The following PRKN variants were observed in gnomAD, a reference collection of about 807,000 sequenced individuals.
PRKN encodes parkin RBR E3 ubiquitin protein ligase.
PRKN carries 56 observed loss-of-function variants against 59.5 expected under a neutral mutation model. That is an observed-to-expected ratio of 0.94 (90% CI 0.76 to 1.18). The LOEUF is 1.18. Among genes scored for constraint, PRKN ranks in the 50% most tolerant of loss-of-function variants. The pLI, the probability that PRKN is intolerant of heterozygous loss-of-function variation, is 0.00. For synonymous variants in PRKN, 250 were observed against 222.1 expected (o/e 1.13, Z -1.12); for missense variants, 657 against 596.4 (o/e 1.10, Z -1.06).
At chr6:161,964,905 GA>G (rs1478456691) in intron 6 of PRKN, among the ~76,000 whole-genome samples, 13 of 152,006 alleles carry the variant, frequency 8.6e-5, no homozygotes, top group Non-Finnish European at 1.8e-4. Context: ...GACTGACAAA[GA>G]ACTTACACAG....
At position 161,593,522 on chromosome 6, in the gene PRKN, CG is replaced by C. The variant is rs1781799970; in HGVS notation, c.872-24107del. On this transcript the variant is annotated intron_variant, in intron 7 of 11. Coordinates refer to ENST00000366898, the MANE Select transcript of PRKN (RefSeq NM_004562.3). This position sits in a 1 kb window ranked among gnomAD's most constrained non-coding sequence, Gnocchi z 4.8. ...CTGTGGCCTGTGGTCAGCAGTGCAG[CG>C]GTCAGGTGGGAGGTGATGGCACCTG... is the stretch of plus-strand genomic sequence containing the variant. Among the ~76,000 whole-genome samples the C allele has an allele frequency of 6.6e-6, 1 of 152,090 alleles. No homozygotes were observed. Among genetic ancestry groups the C allele is most frequent in the African/African-American group, 2.4e-5 (1 of 41,410 alleles).
intron 4 of PRKN, among the ~76,000 whole-genome samples, chr6:162,089,615 A>G (rs531814340): frequency 1.3e-5 from 2 of 152,356 alleles, no homozygotes; most frequent in South Asian, 4.1e-4. Context: ...TTTTTCTAAT[A>G]GCAAGGAAGT....
At chr6:162,080,227 T>C (rs1020354498) in intron 4 of PRKN, among the ~76,000 whole-genome samples, 2 of 152,178 alleles carry the variant, frequency 1.3e-5, no homozygotes, top group Non-Finnish European at 2.9e-5. Flanking sequence ...TCATTATTTA[T>C]ATATGAAATT....
At chr6:161,786,181 ATC>A (rs1179411390) in intron 6 of PRKN, among the ~76,000 whole-genome samples, 15 of 152,252 alleles carry the variant, frequency 9.9e-5, no homozygotes, top group African/African-American at 3.6e-4. Context: ...CTAAAATATA[ATC>A]TCTTTCTGGA....
At chr6:162,707,687 G>A (rs1343609305) in intron 1 of PRKN, among the ~76,000 whole-genome samples, 3 of 151,596 alleles carry the variant, frequency 2.0e-5, no homozygotes, top group Non-Finnish European at 2.9e-5. Context: ...TGATTCTCAC[G>A]CCTCAGCCTC....
intron 6 of PRKN, among the ~76,000 whole-genome samples, chr6:161,947,109 T>C (rs1414085794): frequency 6.6e-6 from 1 of 152,184 alleles, no homozygotes; most frequent in African/African-American, 2.4e-5. Context: ...TGTGTAGATG[T>C]ATGTATAAAT....
At chr6:162,598,495 A>T (rs1781572349) in intron 1 of PRKN, among the ~76,000 whole-genome samples, 1 of 152,226 alleles carries the variant, frequency 6.6e-6, no homozygotes, top group Non-Finnish European at 1.5e-5. Context: ...AATAGCAAGT[A>T]AATAATAATT....
At position 161,377,161 on chromosome 6, in the gene PRKN, G is replaced by A. The variant is rs927728867; in HGVS notation, c.1167+9633C>T. On this transcript the variant is annotated intron_variant, in intron 10 of 11. Coordinates refer to ENST00000366898, the MANE Select transcript of PRKN (RefSeq NM_004562.3). This position sits in a 1 kb window ranked among gnomAD's most constrained non-coding sequence, Gnocchi z 4.2. ...ATAAGAGCATCCCAGCAAAGATTTT[G>A]GGGGTTCAGCAGCTGAGAACGATGG... Among the ~76,000 whole-genome samples, 5 of 152,222 alleles carry A rather than the reference G, an allele frequency of 3.3e-5. No individual in the cohort carries two copies. Among genetic ancestry groups the A allele is most frequent in the African/African-American group, 1.2e-4 (5 of 41,472 alleles).
At chr6:162,726,227 T>C (rs1156548968) in intron 1 of PRKN, among the ~76,000 whole-genome samples, 2 of 152,220 alleles carry the variant, frequency 1.3e-5, no homozygotes, top group Non-Finnish European at 2.9e-5. Flanking sequence ...CTTAAAATTA[T>C]CTGTGCACTA....
At chr6:162,374,735 G>C (rs757799942) in intron 2 of PRKN, among the ~76,000 whole-genome samples, 1 of 151,918 alleles carries the variant, frequency 6.6e-6, no homozygotes, top group Non-Finnish European at 1.5e-5. Flanking sequence ...CCAGTTGACA[G>C]TTTATAGATG....
At chr6:161,368,382 G>GATATATATATATATATATATATATCT (rs1785305581) in intron 10 of PRKN, among the ~76,000 whole-genome samples, 1 of 99,328 alleles carries the variant, frequency 1.0e-5, no homozygotes, top group Admixed American at 1.1e-4. Context: ...CCTCAGTCTT[G>GATATATATATATATATATATATATCT]ATATATATAT....
intron 1 of PRKN, among the ~76,000 whole-genome samples, chr6:162,487,836 G>C (rs1792618178): frequency 6.6e-6 from 1 of 152,096 alleles, no homozygotes; most frequent in South Asian, 2.1e-4. Context: ...AACACTTTGG[G>C]AGGCCAAGGT....
In PRKN at chr6:162,273,828, T is replaced by C. The variant is rs534313744; in HGVS notation, c.172-11063A>G. ...AATTATCAACTTGAGTCCAACCTTG[T>C]TTTATCAGTATGAATTATCATGGAT... is the stretch of plus-strand genomic sequence containing the variant. On this transcript the variant is annotated intron_variant, in intron 2 of 11. Coordinates refer to ENST00000366898, the MANE Select transcript of PRKN (RefSeq NM_004562.3). 6.6e-5 allele frequency among the ~76,000 whole-genome samples: 10 copies of C among 152,300 alleles called. No individual in the cohort carries two copies. The South Asian group carries it at 2.1e-3, about 32-fold the overall frequency.
chr6:161,456,390 G>A lies in PRKN; in HGVS notation c.1084-69513C>T, dbSNP rs914916056. ...CTTTTGGACTCTTGGACCTACACCA[G>A]TGGTTTGCCAGGGGCTCTCAGGCCT... On this transcript the variant is annotated intron_variant, in intron 9 of 11. Transcript: ENST00000366898. The surrounding 1 kb of genome is among the most constrained non-coding windows in gnomAD (Gnocchi z 4.8). Among the ~76,000 whole-genome samples, 9 of 152,190 alleles carry A rather than the reference G, an allele frequency of 5.9e-5. No homozygotes were observed. Among genetic ancestry groups the A allele is most frequent in the African/African-American group, 1.7e-4 (7 of 41,446 alleles).
intron 1 of PRKN, among the ~76,000 whole-genome samples, chr6:162,546,764 A>G (rs1779136349): frequency 6.6e-6 from 1 of 152,102 alleles, no homozygotes; most frequent in South Asian, 2.1e-4. Context: ...TATTTCTTAC[A>G]TTAACTTGAT....
At chr6:162,635,898 A>C (rs1441626084) in intron 1 of PRKN, among the ~76,000 whole-genome samples, 4 of 152,226 alleles carry the variant, frequency 2.6e-5, no homozygotes, top group African/African-American at 9.6e-5. Flanking sequence ...CCATAATGGC[A>C]CGAGGCATGT....
chr6:162,220,793 AC>A (rs1777893100), intron 3 of PRKN, among the ~76,000 whole-genome samples: 1 of 152,262 alleles, frequency 6.6e-6, no homozygotes, highest in Non-Finnish European at 1.5e-5. Flanking sequence ...GGCAACACTT[AC>A]CGAATGACTG....
intron 6 of PRKN, among the ~76,000 whole-genome samples, chr6:161,832,716 C>A (rs1390478099): frequency 2.0e-5 from 3 of 151,912 alleles, no homozygotes; most frequent in Admixed American, 6.6e-5. Flanking sequence ...TGTCTTACAG[C>A]CACACAGTGT....
intron 4 of PRKN, among the ~76,000 whole-genome samples, chr6:162,174,415 TC>T (rs1783440265): frequency 6.6e-6 from 1 of 152,152 alleles, no homozygotes; most frequent in East Asian, 1.9e-4. Flanking sequence ...ATAAATATCT[TC>T]TTTTTGGTTC....
Sources: allele counts gnomAD v4.1 joint callset (sites outside exome capture counted in the v4.1 genomes callset), GRCh38; gene constraint gnomAD v4.1.1; non-coding constraint Gnocchi (gnomAD v3.1); transcripts MANE v1.5; gene names NCBI Gene and HGNC (gene_info 2026-07-23, HGNC 2026-07-21).